THRAP3: variants seen among roughly 807,000 people sequenced by gnomAD.
THRAP3 encodes the protein thyroid hormone receptor-associated protein 3.
THRAP3 carries 16 observed loss-of-function variants against 101.0 expected under a neutral mutation model. That is an observed-to-expected ratio of 0.16 (90% CI 0.11 to 0.24). The LOEUF (loss-of-function observed/expected upper bound fraction) is 0.24. Among genes scored for constraint, THRAP3 ranks in the 10% least tolerant of loss-of-function variants. The probability of loss-of-function intolerance (pLI) is 1.00; values close to 1 mark genes in which losing one functional copy is unlikely to be tolerated. For synonymous variants in THRAP3, 407 were observed against 422.6 expected, an observed-to-expected ratio of 0.96 and a Z score of 0.45; for missense variants, 989 against 1,202.7, an observed-to-expected ratio of 0.82 and a Z score of 2.63.
intron 1 of THRAP3, among the ~76,000 whole-genome samples, chr1:36,245,521 A>T (rs1490259157): frequency 3.3e-5 from 5 of 152,120 alleles, no homozygotes; most frequent in Non-Finnish European, 1.5e-5. Flanking sequence ...TAAATATGAT[A>T]GGTGCATGTC....
rs141623060 is a variant in THRAP3, at chr1:36,256,188, G to GATTATTATTATT, written c.-134-3184_-134-3173dup. ...TAAGCCACCACACCTGGCCTGCCTG[G>GATTATTATTATT]ATTATTATTATTATTATTATTGTTA... On this transcript the variant is annotated intron_variant, in intron 1 of 11. Coordinates refer to ENST00000354618, the MANE Select transcript of THRAP3 (RefSeq NM_005119.4). Among the ~76,000 whole-genome samples the GATTATTATTATT allele has an allele frequency of 3.5e-3, 477 of 135,968 alleles. 2 individuals carry two copies. Among genetic ancestry groups the GATTATTATTATT allele is most frequent in the African/African-American group, 0.01 (368 of 36,120 alleles). 89.2% of individuals were successfully genotyped at this position (135,968 alleles called of 152,430 possible).
chr1:36,296,483 C>T, intron 8 of THRAP3, 100 bp from the exon 9 acceptor site: 1 of 938,816 alleles, frequency 1.1e-6, no homozygotes, highest in Non-Finnish European at 1.6e-6. Flanking sequence ...CCAGTGCTTC[C>T]TCTGCACCCC....
At chr1:36,212,555 G>A in the THRAP3 span, among the ~76,000 whole-genome samples, 1 of 151,764 alleles carries the variant, frequency 6.6e-6, no homozygotes, top group Non-Finnish European at 1.5e-5. Context: ...CGAGTAGCTG[G>A]GATTACAGGT....
At chr1:36,290,229 T>A (rs2124610531) in intron 5 of THRAP3, among the ~76,000 whole-genome samples, 1 of 152,086 alleles carries the variant, frequency 6.6e-6, no homozygotes, top group African/African-American at 2.4e-5. Flanking sequence ...GGGGTCTCCC[T>A]CTGTCACCCA....
At chr1:36,255,983 T>C (rs1160374968) in intron 1 of THRAP3, among the ~76,000 whole-genome samples, 1 of 152,064 alleles carries the variant, frequency 6.6e-6, no homozygotes, top group Non-Finnish European at 1.5e-5. Context: ...CACGCTGGTC[T>C]AAGGCACTGT....
the THRAP3 span, among the ~76,000 whole-genome samples, chr1:36,218,614 CGGGAGG>C: frequency 6.6e-6 from 1 of 150,758 alleles, no homozygotes; most frequent in Non-Finnish European, 1.5e-5. Flanking sequence ...CCTAGCTACT[CGGGAGG>C]CTGAGGCAGG....
intron 4 of THRAP3, chr1:36,288,614 T>C (rs1471177921): frequency 1.6e-5 from 16 of 985,360 alleles, no homozygotes; most frequent in Non-Finnish European, 1.9e-5. Flanking sequence ...TAGACTTGTA[T>C]TTCCAAATGT....
Position 36,293,811 on chromosome 1 carries a change from C to CA in THRAP3, c.2031-39dup, listed in dbSNP as rs776524809. On this transcript the variant is annotated intron_variant, in intron 7 of 11. Coordinates refer to ENST00000354618, the MANE Select transcript of THRAP3 (RefSeq NM_005119.4). Reference sequence around the variant, plus strand: ...TAGAATATTACCAGTATCATATTCACACAATGGAATACTATATCGTTTTGT... The same window carrying CA: ...TAGAATATTACCAGTATCATATTCACAACAATGGAATACTATATCGTTTTGT... The CA allele has an allele frequency of 9.1e-6, 14 of 1,534,842 alleles. No homozygotes were observed. The African/African-American group carries it at 1.6e-4, about 18-fold the overall frequency.
At chr1:36,224,160 G>A (rs1457769294), upstream of THRAP3, among the ~76,000 whole-genome samples, 2 of 152,326 alleles carry the variant, frequency 1.3e-5, no homozygotes, top group Non-Finnish European at 2.9e-5. Flanking sequence ...GGGCAGTGGC[G>A]TCAGCAACGC....
chr1:36,271,288 T>G lies in THRAP3; in HGVS notation c.-31-11245T>G, dbSNP rs60389930. Among the ~76,000 whole-genome samples the G allele has an allele frequency of 9.8e-3, 1,487 of 152,138 alleles. 27 individuals carry two copies. Among genetic ancestry groups the G allele is most frequent in the African/African-American group, 0.034 (1,399 of 41,490 alleles). On this transcript the variant is annotated intron_variant, in intron 2 of 11. Coordinates refer to ENST00000354618, the MANE Select transcript of THRAP3 (RefSeq NM_005119.4). Reference sequence around the variant, plus strand: ...TTTTGTTTTCATAACACAGGCAAATTTTTTTTTCCCCCAAGATGGAGTCTC... The same window carrying G: ...TTTTGTTTTCATAACACAGGCAAATGTTTTTTTCCCCCAAGATGGAGTCTC...
chr1:36,229,352 T>G (rs1644998246), intron 1 of THRAP3, among the ~76,000 whole-genome samples: 1 of 150,170 alleles, frequency 6.7e-6, no homozygotes, highest in African/African-American at 2.4e-5. Context: ...CGCCTCAGCC[T>G]CCCAAAGTGC....
chr1:36,281,585 T>A (rs1331926545), intron 2 of THRAP3, among the ~76,000 whole-genome samples: 1 of 152,142 alleles, frequency 6.6e-6, no homozygotes, highest in East Asian at 1.9e-4. Flanking sequence ...CATCTTTTTT[T>A]TTTTTTTAAT....
At chr1:36,233,116 C>A (rs1645047517) in intron 1 of THRAP3, among the ~76,000 whole-genome samples, 1 of 151,378 alleles carries the variant, frequency 6.6e-6, no homozygotes, top group South Asian at 2.1e-4. Flanking sequence ...TGATCTGCCC[C>A]CTCGGCCTCC....
chr1:36,275,138 A>C (rs867894723), intron 2 of THRAP3, among the ~76,000 whole-genome samples: 2 of 109,116 alleles, frequency 1.8e-5, no homozygotes, highest in Non-Finnish European at 4.0e-5. Context: ...CACACACACA[A>C]AATTAGCTGG....
chr1:36,290,481 C>T (rs4653174), intron 5 of THRAP3, among the ~76,000 whole-genome samples: 134,095 of 151,352 alleles, frequency 0.89, 61,618 homozygotes, highest in Non-Finnish European at 1. Flanking sequence ...GAGCACCGCA[C>T]CCAGCCCAGA....
rs915880149 is a variant in THRAP3, at chr1:36,287,990, TC to T, written c.1040+725del. ...AAGAGGGACTAACCCAGCAAGTGGC[TC>T]CCCCTTTTTTTTTCTTTTATCGTAT... On this transcript the variant is annotated intron_variant, in intron 4 of 11. Transcript: ENST00000354618. The T allele has an allele frequency of 9.4e-6, 9 of 957,126 alleles. No individual in the cohort carries two copies. In the African/African-American group the frequency reaches 1.4e-4, roughly 15 times the overall value. The allele number at this position is 957,126 out of a possible 1,614,324, so 59.3% of individuals were successfully genotyped here. A position where few individuals can be genotyped will look rare whatever the true frequency, so the allele number is the denominator to read the frequency against.
chr1:36,219,048 A>G, the THRAP3 span, among the ~76,000 whole-genome samples: 1 of 151,816 alleles, frequency 6.6e-6, no homozygotes, highest in African/African-American at 2.4e-5. Flanking sequence ...AAAAAAAAAA[A>G]AAAAAAAGTG....
chr1:36,283,087 A>G (rs1645754489), intron 3 of THRAP3, among the ~76,000 whole-genome samples: 1 of 152,274 alleles, frequency 6.6e-6, no homozygotes, highest in East Asian at 1.9e-4. Context: ...GATTAATAAT[A>G]TGAACAACAT....
intron 8 of THRAP3, among the ~76,000 whole-genome samples, chr1:36,295,299 A>G (rs899886714): frequency 3.3e-5 from 5 of 151,136 alleles, no homozygotes; most frequent in Admixed American, 6.6e-5. Flanking sequence ...TTTTTTTTTA[A>G]AAGTTTAGTA....
Sources: allele counts gnomAD v4.1 joint callset (sites outside exome capture counted in the v4.1 genomes callset), GRCh38; gene constraint gnomAD v4.1.1; transcripts MANE v1.5; gene names NCBI Gene and HGNC (gene_info 2026-07-23, HGNC 2026-07-21).